The following CNTNAP5 variants were observed in gnomAD, a reference collection of about 807,000 sequenced individuals.
CNTNAP5 encodes the protein contactin associated protein family member 5.
A neutral mutation model predicts 150.2 loss-of-function variants in CNTNAP5; 72 were observed. The ratio of observed to expected loss-of-function variants is 0.48; its 90% CI spans 0.40 to 0.58. CNTNAP5 has a LOEUF of 0.58. CNTNAP5 is among the 20% of genes least tolerant of loss of function. The pLI, the probability that CNTNAP5 is intolerant of heterozygous loss-of-function variation, is 0.00. For synonymous variants in CNTNAP5, 672 were observed against 619.8 expected (o/e 1.08, Z -1.25); for missense variants, 1,636 against 1,626.2 (o/e 1.01, Z -0.10).
chr2:124,824,000 C>A (rs1436712381), intron 19 of CNTNAP5, among the ~76,000 whole-genome samples: 1 of 151,320 alleles, frequency 6.6e-6, no homozygotes, highest in East Asian at 1.9e-4. Context: ...CTCACTTCAG[C>A]CTCTGCCTCC....
intron 12 of CNTNAP5, among the ~76,000 whole-genome samples, chr2:124,611,706 CT>C (rs1677388729): frequency 6.6e-6 from 1 of 152,164 alleles, no homozygotes; most frequent in South Asian, 2.1e-4. Context: ...CAAATTGTCC[CT>C]GTTCCACTTT....
chr2:124,171,619 G>C (rs1466607200), intron 1 of CNTNAP5, among the ~76,000 whole-genome samples: 1 of 152,134 alleles, frequency 6.6e-6, no homozygotes, highest in East Asian at 1.9e-4. Flanking sequence ...TCCTATCTCT[G>C]GTGTTGGGAA....
At position 124,811,322 on chromosome 2, in the gene CNTNAP5, C is replaced by T. The variant is rs557707521; in HGVS notation, c.3217+13002C>T. ...AAATAACTGCATGTGAGGAGGAAGG[C>T]GAGAGGGTGGGGCAACAGCTGCTTT... On this transcript the variant is annotated intron_variant, in intron 19 of 23. Transcript: ENST00000682447. Among the ~76,000 whole-genome samples, 11 of 152,036 alleles carry T rather than the reference C, an allele frequency of 7.2e-5. No homozygotes were observed. In the South Asian group the frequency reaches 1.7e-3, roughly 23 times the overall value.
At chr2:124,187,847 C>T (rs1039516487) in intron 1 of CNTNAP5, among the ~76,000 whole-genome samples, 8 of 151,962 alleles carry the variant, frequency 5.3e-5, no homozygotes, top group East Asian at 1.9e-4. Flanking sequence ...ATTTCAAATC[C>T]GAGATAAGGT....
intron 1 of CNTNAP5, among the ~76,000 whole-genome samples, chr2:124,040,154 G>A (rs1157887278): frequency 6.6e-6 from 1 of 152,072 alleles, no homozygotes; most frequent in Non-Finnish European, 1.5e-5. Flanking sequence ...TTTCAGGGTG[G>A]CGTTCAATAA....
At chr2:124,353,116 CA>C (rs1273511029) in intron 3 of CNTNAP5, among the ~76,000 whole-genome samples, 1 of 152,024 alleles carries the variant, frequency 6.6e-6, no homozygotes. Context: ...TGGAATGACA[CA>C]AAGATCACAG....
chr2:124,118,440 G>C (rs1683481240), intron 1 of CNTNAP5, among the ~76,000 whole-genome samples: 1 of 152,168 alleles, frequency 6.6e-6, no homozygotes, highest in South Asian at 2.1e-4. Flanking sequence ...TGAAGGGATA[G>C]TAAAGAGGAT....
intron 11 of CNTNAP5, among the ~76,000 whole-genome samples, chr2:124,598,688 G>A (rs1247068073): frequency 2.8e-3 from 418 of 151,688 alleles, no homozygotes; most frequent in African/African-American, 9.7e-3. Context: ...TGAGCTTCCC[G>A]GCTGCTTTGT....
intron 1 of CNTNAP5, among the ~76,000 whole-genome samples, chr2:124,057,065 A>G (rs1329108740): frequency 1.3e-5 from 2 of 152,210 alleles, no homozygotes; most frequent in African/African-American, 4.8e-5. Context: ...GCCATGTCCA[A>G]TACTAATCTC....
intron 1 of CNTNAP5, among the ~76,000 whole-genome samples, chr2:124,172,317 T>G (rs10166930): frequency 0.77 from 117,310 of 152,140 alleles, 45,868 homozygotes; most frequent in Non-Finnish European, 0.8. Flanking sequence ...TTTAGAAATT[T>G]CTAAATTCCA....
intron 19 of CNTNAP5, among the ~76,000 whole-genome samples, chr2:124,819,042 C>A (rs919255387): frequency 6.6e-6 from 1 of 152,138 alleles, no homozygotes; most frequent in Non-Finnish European, 1.5e-5. Flanking sequence ...TGACCACAGG[C>A]TGCCATTTGA....
intron 1 of CNTNAP5, among the ~76,000 whole-genome samples, chr2:124,133,725 A>G (rs761582203): frequency 1.3e-4 from 20 of 152,078 alleles, no homozygotes; most frequent in Non-Finnish European, 2.5e-4. Flanking sequence ...GGGATCAGCT[A>G]TCAGACCCCT....
chr2:124,499,533 G>T (rs1042213058), intron 7 of CNTNAP5, among the ~76,000 whole-genome samples: 1 of 152,198 alleles, frequency 6.6e-6, no homozygotes, highest in African/African-American at 2.4e-5. Context: ...GGACAGCTTT[G>T]CTTTTAGTGT....
chr2:124,564,858 G>T (rs1292181792), intron 11 of CNTNAP5, among the ~76,000 whole-genome samples: 1 of 152,186 alleles, frequency 6.6e-6, no homozygotes, highest in East Asian at 1.9e-4. Context: ...GGCTTAGAAG[G>T]TAGAAGGGTA....
At chr2:124,067,802 G>A (rs1009113189) in intron 1 of CNTNAP5, among the ~76,000 whole-genome samples, 1 of 152,132 alleles carries the variant, frequency 6.6e-6, no homozygotes, top group Non-Finnish European at 1.5e-5. Context: ...GGTGTTTGCC[G>A]AAGTTAGAAC....
At chr2:124,458,908 A>G (rs1190959753) in intron 6 of CNTNAP5, among the ~76,000 whole-genome samples, 1 of 152,224 alleles carries the variant, frequency 6.6e-6, no homozygotes, top group Non-Finnish European at 1.5e-5. Context: ...CAACACTTAT[A>G]ATATACCATG....
At chr2:124,538,027 G>A (rs1695280856) in intron 10 of CNTNAP5, among the ~76,000 whole-genome samples, 1 of 152,140 alleles carries the variant, frequency 6.6e-6, no homozygotes, top group Admixed American at 6.5e-5. Flanking sequence ...AGAACCATGA[G>A]CCAGGTGAAT....
At chr2:124,893,937 A>G (rs1678252310) in intron 21 of CNTNAP5, among the ~76,000 whole-genome samples, 1 of 152,292 alleles carries the variant, frequency 6.6e-6, no homozygotes, top group South Asian at 2.1e-4. Flanking sequence ...TTACATATAT[A>G]TATTAGACAT....
At chr2:124,718,961 C>T (rs113564769) in intron 13 of CNTNAP5, among the ~76,000 whole-genome samples, 3,274 of 149,842 alleles carry the variant, frequency 0.022, 54 homozygotes, top group Middle Eastern at 0.041. Flanking sequence ...AAAAAAAGAA[C>T]GGGAAATAAG....
Sources: gnomAD v4.1 joint callset for allele counts (sites outside exome capture counted in the v4.1 genomes callset) on GRCh38, gnomAD v4.1.1 for gene constraint, MANE v1.5 for transcripts, NCBI Gene and HGNC (gene_info 2026-07-23, HGNC 2026-07-21) for gene names.